The following TEF variants were observed in gnomAD, a reference collection of about 807,000 sequenced individuals.
The protein encoded by TEF is TEF transcription factor, PAR bZIP family member.
Under a neutral mutation model 20.8 loss-of-function variants are expected in TEF, and 3 were observed. The observed-to-expected ratio is 0.14, with a 90% CI of 0.07 to 0.37. The LOEUF (loss-of-function observed/expected upper bound fraction) is 0.37, where lower values mean the gene tolerates loss of function less well. TEF is among the 10% of genes least tolerant of loss of function. TEF has a pLI of 1.00. For synonymous variants in TEF, 180 were observed against 171.1 expected (o/e 1.05, Z -0.41); for missense variants, 296 against 397.9 (o/e 0.74, Z 2.18).
intron 1 of TEF, among the ~76,000 whole-genome samples, chr22:41,386,447 A>AT (rs1170790522): frequency 6.6e-6 from 1 of 151,826 alleles, no homozygotes; most frequent in East Asian, 2.0e-4. Flanking sequence ...TCTCAAAAAA[A>AT]AAAATAAAAC....
chr22:41,392,424 C>T (rs1171955338), intron 2 of TEF, among the ~76,000 whole-genome samples: 1 of 151,998 alleles, frequency 6.6e-6, no homozygotes, highest in African/African-American at 2.4e-5. Context: ...ACCTGTAATC[C>T]CAGCACTTTG....
rs2037036039 is a variant in TEF at position 41,382,152 on chromosome 22, C to T, written c.108C>T (p.Pro36=). 3 of 1,241,538 alleles carry T rather than the reference C, an allele frequency of 2.4e-6. No homozygotes were observed. The highest frequency in any genetic ancestry group is 4.0e-5 in the South Asian group (1 of 24,898). 76.9% of individuals were successfully genotyped at this position (1,241,538 alleles called of 1,614,324 possible). ...AGERGLSGSF[P]LVLKKLMENP... The stretch of plus-strand genomic sequence containing the variant: ...AAAGGGGCCTGTCGGGGTCCTTCCC[C>T]CTGGTCCTGAAGAAGCTGATGGAGA... Residue 36 remains proline (P), a synonymous_variant, in exon 1 of 4, where the codon CCC becomes CCT. Transcript: ENST00000266304.
chr22:41,395,639 C>A, intron 3 of TEF, 106 bp from the exon 4 acceptor site: 1 of 1,147,260 alleles, frequency 8.7e-7, no homozygotes, highest in Non-Finnish European at 1.3e-6. Flanking sequence ...CCTGCTTTAG[C>A]TCTGGCCACA....
At chr22:41,376,393 T>A (rs1354168392) in intron 1 of TEF, among the ~76,000 whole-genome samples, 1 of 152,192 alleles carries the variant, frequency 6.6e-6, no homozygotes, top group Non-Finnish European at 1.5e-5. Flanking sequence ...CCTGCCACCA[T>A]GCCCGGCTAG....
intron 1 of TEF, among the ~76,000 whole-genome samples, chr22:41,385,895 G>A (rs1174396833): frequency 6.6e-6 from 1 of 152,036 alleles, no homozygotes; most frequent in Non-Finnish European, 1.5e-5. Context: ...ATGTTGGCCA[G>A]GCTGGTCTCA....
chr22:41,395,963 C>T lies in TEF; in HGVS notation c.*3C>T, dbSNP rs749362969. 35 of 1,606,874 alleles carry T rather than the reference C, an allele frequency of 2.2e-5. No homozygotes were observed. Among genetic ancestry groups the T allele is most frequent in the African/African-American group, 6.7e-5 (5 of 74,816 alleles). ...AGACCAAATACGGGCCCTTGTAACC[C>T]GTGCCCCCCGCCCGGGCGGGGTACT... On this transcript the variant is annotated 3_prime_UTR_variant, in exon 4 of 4. Transcript: ENST00000266304.
At chr22:41,388,596 A>C (rs912751486) in intron 2 of TEF, among the ~76,000 whole-genome samples, 58 of 148,780 alleles carry the variant, frequency 3.9e-4, no homozygotes, top group African/African-American at 1.3e-3. Flanking sequence ...AAAAAAAAAG[A>C]AAGCATTCCC....
At chr22:41,387,137 G>A (rs1478610736) in intron 1 of TEF, among the ~76,000 whole-genome samples, 1 of 152,198 alleles carries the variant, frequency 6.6e-6, no homozygotes, top group Non-Finnish European at 1.5e-5. Context: ...GGAAGGCCAG[G>A]CATGGATGAG....
intron 1 of TEF, among the ~76,000 whole-genome samples, chr22:41,374,272 C>T (rs1380548332): frequency 6.6e-6 from 1 of 151,968 alleles, no homozygotes; most frequent in African/African-American, 2.4e-5. Flanking sequence ...CTAGGCAAGC[C>T]AGGCATGGTG....
upstream of TEF, among the ~76,000 whole-genome samples, chr22:41,377,815 G>T (rs2036962333): frequency 6.6e-6 from 1 of 152,198 alleles, no homozygotes; most frequent in South Asian, 2.1e-4. Context: ...TGAACACCAA[G>T]TTCTGGAGGC....
At chr22:41,371,425 G>C (rs989952932) in intron 1 of TEF, among the ~76,000 whole-genome samples, 8 of 152,218 alleles carry the variant, frequency 5.3e-5, no homozygotes, top group Non-Finnish European at 1.0e-4. Context: ...CCTGGGAAGA[G>C]AGCAGGGGGC....
chr22:41,388,438 T>C (rs1389955593), intron 2 of TEF, among the ~76,000 whole-genome samples: 1 of 152,100 alleles, frequency 6.6e-6, no homozygotes, highest in African/African-American at 2.4e-5. Context: ...GTCAGGCTGG[T>C]CTTGAACTCC....
chr22:41,381,292 G>A (rs866716592), upstream of TEF, among the ~76,000 whole-genome samples: 20 of 152,018 alleles, frequency 1.3e-4, no homozygotes, highest in African/African-American at 4.3e-4. Context: ...AAAAAGACCC[G>A]TCCCTCCCTT....
chr22:41,370,692 G>T, intron 1 of TEF, among the ~76,000 whole-genome samples: 1 of 152,308 alleles, frequency 6.6e-6, no homozygotes, highest in Middle Eastern at 3.4e-3. Context: ...GATTACAGGC[G>T]TGAGCCACTG....
At chr22:41,384,806 G>T (rs996919501) in intron 1 of TEF, among the ~76,000 whole-genome samples, 1 of 152,074 alleles carries the variant, frequency 6.6e-6, no homozygotes. Flanking sequence ...AGGCTGGAGT[G>T]TAGTGGTACA....
At chr22:41,383,059 G>A (rs1325727399) in intron 1 of TEF, 2 of 470,704 alleles carry the variant, frequency 4.2e-6, no homozygotes, top group East Asian at 6.9e-5. Context: ...TGGTGGGGTT[G>A]TGGGTGCACT....
At chr22:41,393,975 C>T in intron 2 of TEF, 121 bp from the exon 3 acceptor site, 1 of 801,834 alleles carries the variant, frequency 1.2e-6, no homozygotes, top group Non-Finnish European at 2.0e-6. Context: ...TTGGGGTTTT[C>T]TTCTCCCCAG....
chr22:41,381,148 T>C (rs1179955757), upstream of TEF, among the ~76,000 whole-genome samples: 1 of 152,228 alleles, frequency 6.6e-6, no homozygotes, highest in African/African-American at 2.4e-5. Flanking sequence ...CCAAGCCTGC[T>C]CAGGCCATCC....
intron 1 of TEF, among the ~76,000 whole-genome samples, chr22:41,372,332 T>C (rs1031010380): frequency 6.6e-6 from 1 of 152,086 alleles, no homozygotes; most frequent in African/African-American, 2.4e-5. Flanking sequence ...ATTGACGGCA[T>C]GTCGAGGAGT....
Sources: allele counts gnomAD v4.1 joint callset (sites outside exome capture counted in the v4.1 genomes callset), GRCh38; gene constraint gnomAD v4.1.1; transcripts MANE v1.5; gene names NCBI Gene and HGNC (gene_info 2026-07-23, HGNC 2026-07-21).